GYPE: variants seen among roughly 807,000 people sequenced by gnomAD.
GYPE encodes glycophorin-E.
Under a neutral mutation model 11.6 loss-of-function variants are expected in GYPE, and 8 were observed. That is an observed-to-expected ratio of 0.69 (90% CI 0.41 to 1.25). GYPE has a LOEUF of 1.25. Ranked by LOEUF, GYPE falls within the 50% of genes most tolerant of loss-of-function variation. The pLI, the probability that GYPE is intolerant of heterozygous loss-of-function variation, is 0.01. For synonymous variants in GYPE, 28 were observed against 29.6 expected (o/e 0.94, Z 0.18); for missense variants, 90 against 92.8 (o/e 0.97, Z 0.12).
intron 1 of GYPE, among the ~76,000 whole-genome samples, chr4:143,881,554 A>G (rs6819051): frequency 0.26 from 39,680 of 151,884 alleles, 5,410 homozygotes; most frequent in East Asian, 0.36. Flanking sequence ...TTAAATATAT[A>G]TGAATATGTA....
In GYPE at chr4:143,876,845, G is replaced by C. The variant is rs779525719; in HGVS notation, c.147C>G (p.Leu49=). ...YISSQTNGIT[L]INWWAMARVI... is the part of the protein sequence containing the mutation. Reference sequence around the variant, plus strand: ...CACGAGCCATCGCCCACCAATTAATGAGTGTTATCCCTACAGGAGATAAAG... The same window carrying C: ...CACGAGCCATCGCCCACCAATTAATCAGTGTTATCCCTACAGGAGATAAAG... The change falls in exon 3 of 4, where the codon CTC becomes CTG. Residue 49 remains leucine (L), a synonymous_variant. Transcript: ENST00000358615. 1 of 1,600,400 alleles carries C rather than the reference G, an allele frequency of 6.2e-7. No homozygotes were observed. The highest frequency in any genetic ancestry group is 1.1e-5 in the South Asian group (1 of 90,470).
chr4:143,892,098 A>G (rs1690885953), intron 1 of GYPE, among the ~76,000 whole-genome samples: 1 of 152,142 alleles, frequency 6.6e-6, no homozygotes, highest in Non-Finnish European at 1.5e-5. Flanking sequence ...TTATTTGCGT[A>G]GAGGTGTTTG....
At chr4:143,880,795 C>G (rs1272922466) in intron 1 of GYPE, among the ~76,000 whole-genome samples, 1 of 152,034 alleles carries the variant, frequency 6.6e-6, no homozygotes, top group Non-Finnish European at 1.5e-5. Flanking sequence ...ATACTTGCCT[C>G]AAAATGTCAT....
chr4:143,891,323 T>TTTC lies in GYPE; in HGVS notation c.38-10815_38-10814insGAA, dbSNP rs1217943249. ...GTTATTATTATTATTTTGATTTTTT[T>TTTC]TGTTTCTTTTTTTTTTTTTTTTTGA... On this transcript the variant is annotated intron_variant, in intron 1 of 3. Coordinates refer to ENST00000358615, the MANE Select transcript of GYPE (RefSeq NM_198682.3). Among the ~76,000 whole-genome samples the TTTC allele has an allele frequency of 1.5e-3, 4 of 2,690 alleles. 2 individuals are homozygous for TTTC. The highest frequency in any genetic ancestry group is 0.021 in the Non-Finnish European group (2 of 94). The allele number at this position is 2,690 out of a possible 152,430, so 1.8% of individuals were successfully genotyped here.
chr4:143,881,413 C>G (rs1411475267), intron 1 of GYPE, among the ~76,000 whole-genome samples: 1 of 151,964 alleles, frequency 6.6e-6, no homozygotes, highest in Non-Finnish European at 1.5e-5. Context: ...AATTTGGGAA[C>G]TACAAGAAAG....
intron 1 of GYPE, among the ~76,000 whole-genome samples, chr4:143,886,239 T>C (rs1389048602): frequency 7.6e-6 from 1 of 131,354 alleles, no homozygotes; most frequent in African/African-American, 2.7e-5. Flanking sequence ...AATTTCGTAG[T>C]TATTCCAGAG....
chr4:143,873,510 AC>A (rs1239765342), intron 3 of GYPE: 1 of 454,552 alleles, frequency 2.2e-6, no homozygotes, highest in Admixed American at 2.4e-5. Context: ...AGGGTCAAGA[AC>A]AATCTATGAG....
At chr4:143,900,199 T>C (rs1744807992) in intron 1 of GYPE, among the ~76,000 whole-genome samples, 2 of 145,684 alleles carry the variant, frequency 1.4e-5, no homozygotes, top group South Asian at 4.5e-4. Flanking sequence ...GAGAAGATTC[T>C]CAGCATCATG....
At chr4:143,875,563 C>T (rs13145249) in intron 3 of GYPE, 175 of 1,549,646 alleles carry the variant, frequency 1.1e-4, no homozygotes, top group Non-Finnish European at 1.4e-4. Context: ...CCATGAGCTA[C>T]GCCTCCACTT....
At chr4:143,873,413 T>C (rs528692220) in intron 3 of GYPE, 1 of 455,424 alleles carries the variant, frequency 2.2e-6, no homozygotes, top group African/African-American at 2.0e-5. Context: ...AGTTGAATAA[T>C]AAAGGTCTAA....
chr4:143,896,470 A>G (rs975166867), intron 1 of GYPE, among the ~76,000 whole-genome samples: 2 of 152,222 alleles, frequency 1.3e-5, no homozygotes, highest in Non-Finnish European at 2.9e-5. Context: ...ACCATCTCAC[A>G]CCAGTTAGAA....
intron 1 of GYPE, among the ~76,000 whole-genome samples, chr4:143,893,717 G>A (rs1017178897): frequency 6.6e-6 from 1 of 152,188 alleles, no homozygotes; most frequent in East Asian, 1.9e-4. Context: ...TGGGTAACCC[G>A]ACCTGTCTCT....
At chr4:143,875,341 T>G in intron 3 of GYPE, 13 of 812,530 alleles carry the variant, frequency 1.6e-5, no homozygotes, top group Non-Finnish European at 2.3e-5. Context: ...TTATTTTTAT[T>G]TAGAAGTAGA....
At chr4:143,879,113 C>G (rs1743922581) in intron 2 of GYPE, among the ~76,000 whole-genome samples, 1 of 152,128 alleles carries the variant, frequency 6.6e-6, no homozygotes, top group African/African-American at 2.4e-5. Context: ...TATGCCACAG[C>G]CACTGTCTGA....
At chr4:143,902,724 C>G (rs1477290403) in intron 1 of GYPE, among the ~76,000 whole-genome samples, 1 of 151,976 alleles carries the variant, frequency 6.6e-6, no homozygotes, top group Admixed American at 6.6e-5. Flanking sequence ...GTGCTAGATT[C>G]TGGGGATACA....
rs1196406839 is a variant in GYPE at position 143,871,056 on chromosome 4, T to C, written c.*1206A>G. ...ACTATCAGATTATGTGAGAATTTAC[T>C]CACTATCATGAGAATAGCACAGGGG... On this transcript the variant is annotated 3_prime_UTR_variant, in exon 4 of 4. Coordinates refer to ENST00000358615, the MANE Select transcript of GYPE (RefSeq NM_198682.3). 2.0e-5 allele frequency: 3 copies of C among 148,866 alleles called. No individual in the cohort carries two copies. The East Asian group carries it at 6.2e-4, about 31-fold the overall frequency. 9.2% of individuals were successfully genotyped at this position (148,866 alleles called of 1,614,324 possible). A position where few individuals can be genotyped will look rare whatever the true frequency, so the allele number is the denominator to read the frequency against.
chr4:143,874,081 C>A (rs138710607), intron 3 of GYPE, among the ~76,000 whole-genome samples: 4 of 151,838 alleles, frequency 2.6e-5, no homozygotes, highest in East Asian at 1.9e-4. Flanking sequence ...TAGCAACTGT[C>A]TTGTTGCTAT....
At chr4:143,900,873 G>A (rs1278717950) in intron 1 of GYPE, among the ~76,000 whole-genome samples, 1 of 152,148 alleles carries the variant, frequency 6.6e-6, no homozygotes, top group Non-Finnish European at 1.5e-5. Flanking sequence ...TCCTTTTGGA[G>A]TGATGAAAAT....
At chr4:143,885,310 T>C (rs1047233445) in intron 1 of GYPE, among the ~76,000 whole-genome samples, 6 of 152,204 alleles carry the variant, frequency 3.9e-5, no homozygotes, top group African/African-American at 1.2e-4. Flanking sequence ...AAAGTATATG[T>C]AACTGTTTTA....
Sources: allele counts gnomAD v4.1 joint callset (sites outside exome capture counted in the v4.1 genomes callset), GRCh38; gene constraint gnomAD v4.1.1; transcripts MANE v1.5; gene names NCBI Gene and HGNC (gene_info 2026-07-23, HGNC 2026-07-21).